ACSL3: variants seen among roughly 807,000 people sequenced by gnomAD.
The protein encoded by ACSL3 is fatty acid CoA ligase Acsl3.
Under a neutral mutation model 84.7 loss-of-function variants are expected in ACSL3, and 34 were observed. That is an observed-to-expected ratio of 0.40 (90% CI 0.31 to 0.53). The LOEUF is 0.53. Ranked by LOEUF, ACSL3 falls within the 20% of genes least tolerant of loss-of-function variation. The probability of loss-of-function intolerance (pLI) is 0.48; values close to 1 mark genes in which losing one functional copy is unlikely to be tolerated. For synonymous variants in ACSL3, 315 were observed against 299.4 expected, an observed-to-expected ratio of 1.05 and a Z score of -0.54; for missense variants, 680 against 873.1, an observed-to-expected ratio of 0.78 and a Z score of 2.79.
At chr2:222,894,818 G>A (rs1201388296) in intron 2 of ACSL3, among the ~76,000 whole-genome samples, 1 of 152,260 alleles carries the variant, frequency 6.6e-6, no homozygotes, top group Middle Eastern at 3.4e-3. Context: ...TTTAATGGCT[G>A]CATAATAGTC....
At chr2:222,929,152 C>T (rs539080645) in intron 13 of ACSL3, among the ~76,000 whole-genome samples, 3 of 152,052 alleles carry the variant, frequency 2.0e-5, no homozygotes, top group Admixed American at 6.5e-5. Context: ...TTACTTATTA[C>T]GTAGATGCAA....
chr2:222,904,594 C>T (rs1696244701), intron 3 of ACSL3: 1 of 152,920 alleles, frequency 6.5e-6, no homozygotes, highest in Non-Finnish European at 1.5e-5. Context: ...GAACTATTTC[C>T]TCTGTGAAAA....
intron 16 of ACSL3, among the ~76,000 whole-genome samples, chr2:222,937,495 C>T (rs576865010): frequency 1.3e-4 from 20 of 152,008 alleles, no homozygotes; most frequent in Admixed American, 2.6e-4. Context: ...TCAAGTTACG[C>T]GTATATTTGT....
chr2:222,922,968 A>T, intron 9 of ACSL3, 110 bp from the exon 10 acceptor site: 1 of 1,374,660 alleles, frequency 7.3e-7, no homozygotes, highest in South Asian at 1.3e-5. Context: ...AGTGCTTCTT[A>T]GACTGTAAGT....
intron 1 of ACSL3, among the ~76,000 whole-genome samples, chr2:222,874,330 C>T (rs1225167458): frequency 6.6e-6 from 1 of 152,120 alleles, no homozygotes; most frequent in East Asian, 1.9e-4. Context: ...CGGCCTTGTA[C>T]TTCCATTTAT....
chr2:222,894,273 G>T (rs1695916099), intron 2 of ACSL3, among the ~76,000 whole-genome samples: 1 of 152,150 alleles, frequency 6.6e-6, no homozygotes, highest in South Asian at 2.1e-4. Flanking sequence ...GTCTTTCCAA[G>T]TCACCTGTGT....
intron 12 of ACSL3, among the ~76,000 whole-genome samples, chr2:222,927,672 T>C (rs1559300985): frequency 6.6e-6 from 1 of 152,170 alleles, no homozygotes. Flanking sequence ...TGGTTGTGTT[T>C]GAGGAGGAGA....
intron 2 of ACSL3, among the ~76,000 whole-genome samples, chr2:222,894,288 C>A (rs540649889): frequency 9.9e-5 from 15 of 152,266 alleles, no homozygotes; most frequent in Admixed American, 7.8e-4. Context: ...CTGTGTTCTT[C>A]CTCTCAAATA....
chr2:222,870,531 C>T (rs943077830), intron 1 of ACSL3, among the ~76,000 whole-genome samples: 7 of 152,122 alleles, frequency 4.6e-5, no homozygotes, highest in Admixed American at 6.5e-5. Flanking sequence ...AAGGGGTCAG[C>T]GGATGGGTAG....
At chr2:222,907,354 A>AG (rs1696319575) in intron 3 of ACSL3, among the ~76,000 whole-genome samples, 1 of 152,210 alleles carries the variant, frequency 6.6e-6, no homozygotes, top group Admixed American at 6.5e-5. Context: ...ACACAGAGCT[A>AG]GGGGTAGGAG....
At chr2:222,914,231 G>A (rs1574550198) in intron 4 of ACSL3, among the ~76,000 whole-genome samples, 1 of 129,718 alleles carries the variant, frequency 7.7e-6, no homozygotes, top group Admixed American at 8.9e-5. Flanking sequence ...AGGTGTGTGT[G>A]TACGTGTGTG....
At chr2:222,903,215 G>A (rs1696200776) in intron 3 of ACSL3, among the ~76,000 whole-genome samples, 1 of 151,982 alleles carries the variant, frequency 6.6e-6, no homozygotes, top group East Asian at 1.9e-4. Flanking sequence ...TTAACTTATC[G>A]CACTTTTCAT....
chr2:222,922,322 C>T (rs1467456045), intron 8 of ACSL3, among the ~76,000 whole-genome samples: 1 of 152,144 alleles, frequency 6.6e-6, no homozygotes, highest in Non-Finnish European at 1.5e-5. Flanking sequence ...ACCATTTCCT[C>T]CTTGGATGAT....
At chr2:222,918,407 T>TA (rs1468195352) in intron 6 of ACSL3, among the ~76,000 whole-genome samples, 1 of 150,240 alleles carries the variant, frequency 6.7e-6, no homozygotes, top group East Asian at 1.9e-4. Context: ...CTACTTTTTC[T>TA]CTTATTGTGC....
chr2:222,863,124 A>T (rs967034219), intron 1 of ACSL3, among the ~76,000 whole-genome samples: 1 of 152,160 alleles, frequency 6.6e-6, no homozygotes, highest in Non-Finnish European at 1.5e-5. Context: ...GGTGCTGGGA[A>T]TACAGCTGTG....
At chr2:222,882,893 G>T (rs1695627015) in intron 1 of ACSL3, among the ~76,000 whole-genome samples, 1 of 150,800 alleles carries the variant, frequency 6.6e-6, no homozygotes, top group African/African-American at 2.4e-5. Context: ...TCAGCCTCCT[G>T]AGTAGCTGGG....
intron 1 of ACSL3, among the ~76,000 whole-genome samples, chr2:222,871,965 C>T (rs112661446): frequency 0.024 from 3,681 of 151,974 alleles, 146 homozygotes; most frequent in African/African-American, 0.082. Flanking sequence ...CCCCCACCCC[C>T]GACTCCCTTG....
intron 1 of ACSL3, among the ~76,000 whole-genome samples, chr2:222,879,070 A>G (rs1420914262): frequency 2.0e-5 from 3 of 152,184 alleles, no homozygotes; most frequent in Non-Finnish European, 4.4e-5. Flanking sequence ...TAATTTCGAC[A>G]CTTTGGGAGG....
intron 2 of ACSL3, among the ~76,000 whole-genome samples, chr2:222,891,637 T>C (rs551501223): frequency 1.2e-4 from 18 of 152,278 alleles, no homozygotes; most frequent in African/African-American, 4.3e-4. Flanking sequence ...CCTACTGTTA[T>C]TTCCGCTATC....
Sources: allele counts gnomAD v4.1 joint callset (sites outside exome capture counted in the v4.1 genomes callset), GRCh38; gene constraint gnomAD v4.1.1; transcripts MANE v1.5; gene names NCBI Gene and HGNC (gene_info 2026-07-23, HGNC 2026-07-21).